RCL1: variants seen among roughly 807,000 people sequenced by gnomAD.
The protein encoded by RCL1 is RNA terminal phosphate cyclase like 1.
RCL1 carries 24 observed loss-of-function variants against 42.4 expected under a neutral mutation model. The ratio of observed to expected loss-of-function variants is 0.57; its 90% CI spans 0.41 to 0.80. The LOEUF is 0.80. Ranked by LOEUF, RCL1 falls within the 30% of genes least tolerant of loss-of-function variation. RCL1 has a pLI of 0.00. For synonymous variants in RCL1, 228 were observed against 177.3 expected (o/e 1.29, Z -2.27); for missense variants, 578 against 467.9 (o/e 1.24, Z -2.17).
intron 2 of RCL1, among the ~76,000 whole-genome samples, chr9:4,824,201 T>G (rs565449208): frequency 2.0e-4 from 31 of 152,220 alleles, no homozygotes; most frequent in Non-Finnish European, 4.3e-4. Context: ...AAATTTTGTT[T>G]GTTAAAATAA....
At position 4,793,044 on chromosome 9, in the gene RCL1, C is replaced by T; in HGVS notation, c.-48C>T. 1 of 1,574,238 alleles carries T rather than the reference C, an allele frequency of 6.4e-7. No individual in the cohort carries two copies. The highest frequency in any genetic ancestry group is 8.6e-7 in the Non-Finnish European group (1 of 1,158,834). On this transcript the variant is annotated 5_prime_UTR_variant, in exon 1 of 9. Coordinates refer to ENST00000381750, the MANE Select transcript of RCL1 (RefSeq NM_005772.5). ...CGGAGTCACGAGTCCCGCGTCTGTCCGAAGTCGCCGCTCTCGGGCTGCTCA... is the reference window on the plus strand; with the variant it reads ...CGGAGTCACGAGTCCCGCGTCTGTCTGAAGTCGCCGCTCTCGGGCTGCTCA...
At chr9:4,807,962 G>C (rs1051881921) in intron 1 of RCL1, among the ~76,000 whole-genome samples, 1 of 151,892 alleles carries the variant, frequency 6.6e-6, no homozygotes, top group African/African-American at 2.4e-5. Flanking sequence ...TTTTTTTAAT[G>C]GTCCAAGATA....
In RCL1 at chr9:4,816,855, C is replaced by T. The variant is rs544768463; in HGVS notation, c.137-6693C>T. Among the ~76,000 whole-genome samples the T allele has an allele frequency of 8.5e-5, 13 of 152,176 alleles. No individual in the cohort carries two copies. The South Asian group carries it at 1.7e-3, about 19-fold the overall frequency. Reference sequence around the variant, plus strand: ...TTTTTGAGATGGAGTCTCGCTCTGTCGTCCAGGCCGGAGTGCAGTGGCGCG... The same window carrying T: ...TTTTTGAGATGGAGTCTCGCTCTGTTGTCCAGGCCGGAGTGCAGTGGCGCG... On this transcript the variant is annotated intron_variant, in intron 1 of 8. Transcript: ENST00000381750.
intron 8 of RCL1, among the ~76,000 whole-genome samples, chr9:4,854,443 C>G (rs573697720): frequency 6.6e-6 from 1 of 152,330 alleles, no homozygotes; most frequent in Admixed American, 6.5e-5. Context: ...TGTCCTTACA[C>G]CTGAGATGTA....
rs869274587 is a variant in RCL1, at chr9:4,806,633, C to CACAT, written c.136+13407_136+13408insCATA. ...ACACACACACACACACACACACACA[C>CACAT]ATATACTTACATATATATTGCTGAA... On this transcript the variant is annotated intron_variant, in intron 1 of 8. Transcript: ENST00000381750. Among the ~76,000 whole-genome samples, 793 of 141,070 alleles carry CACAT rather than the reference C, an allele frequency of 5.6e-3. 14 individuals are homozygous for CACAT. Among genetic ancestry groups the CACAT allele is most frequent in the African/African-American group, 0.018 (709 of 39,112 alleles). The allele number at this position is 141,070 out of a possible 152,430, so 92.5% of individuals were successfully genotyped here.
chr9:4,801,583 A>G (rs995782305), intron 1 of RCL1, among the ~76,000 whole-genome samples: 2 of 152,154 alleles, frequency 1.3e-5, no homozygotes, highest in African/African-American at 4.8e-5. Flanking sequence ...TTATTATCTT[A>G]ATATGGTTTC....
At chr9:4,854,672 G>T (rs1234076997) in intron 8 of RCL1, among the ~76,000 whole-genome samples, 1 of 152,174 alleles carries the variant, frequency 6.6e-6, no homozygotes, top group Non-Finnish European at 1.5e-5. Flanking sequence ...GTCAAATCCT[G>T]GTCAGTTGGG....
intron 8 of RCL1, among the ~76,000 whole-genome samples, chr9:4,851,162 C>T (rs973721069): frequency 4.6e-5 from 7 of 152,114 alleles, no homozygotes; most frequent in Non-Finnish European, 1.0e-4. Context: ...CATCTTCTCA[C>T]CAAACATTAA....
chr9:4,798,615 G>A (rs1046696873), intron 1 of RCL1, among the ~76,000 whole-genome samples: 1 of 152,240 alleles, frequency 6.6e-6, no homozygotes, highest in Non-Finnish European at 1.5e-5. Flanking sequence ...ACATGTTTTG[G>A]TAAACCAGTG....
At chr9:4,820,591 C>G (rs1332741200) in intron 1 of RCL1, among the ~76,000 whole-genome samples, 1 of 151,938 alleles carries the variant, frequency 6.6e-6, no homozygotes, top group Admixed American at 6.6e-5. Context: ...TTCCTTTTTT[C>G]TTTTCTAATT....
chr9:4,853,522 C>T (rs936674929), intron 8 of RCL1, among the ~76,000 whole-genome samples: 1 of 152,080 alleles, frequency 6.6e-6, no homozygotes. Flanking sequence ...GGGGTTTCAT[C>T]GTGTTAGCCA....
intron 6 of RCL1, among the ~76,000 whole-genome samples, chr9:4,841,922 A>G (rs1159888157): frequency 1.3e-5 from 2 of 152,258 alleles, no homozygotes; most frequent in Admixed American, 6.5e-5. Flanking sequence ...TGTAATGAAG[A>G]TACCTGTTTT....
chr9:4,834,756 T>C (rs1177108032), intron 5 of RCL1, among the ~76,000 whole-genome samples: 1 of 152,154 alleles, frequency 6.6e-6, no homozygotes. Context: ...ATATCTACTA[T>C]TAAGTATTTA....
chr9:4,792,978 G>C lies in RCL1; in HGVS notation c.-114G>C. ...GGACGCGTCTGGGCTGCTGGAGGCA[G>C]CCCGAGCCGCCGCCGTCGGTGTCGC... On this transcript the variant is annotated 5_prime_UTR_variant, in exon 1 of 9. Coordinates refer to ENST00000381750, the MANE Select transcript of RCL1 (RefSeq NM_005772.5). 1 of 1,267,924 alleles carries C rather than the reference G, an allele frequency of 7.9e-7. No homozygotes were observed. The highest frequency in any genetic ancestry group is 2.5e-5 in the Admixed American group (1 of 40,166). 78.5% of individuals were successfully genotyped at this position (1,267,924 alleles called of 1,614,324 possible).
intron 7 of RCL1, among the ~76,000 whole-genome samples, chr9:4,847,401 T>C (rs1563855412): frequency 2.0e-5 from 3 of 152,230 alleles, no homozygotes; most frequent in Non-Finnish European, 1.5e-5. Context: ...TTGAAGGTGC[T>C]ATTTATCAAG....
At chr9:4,832,052 A>G (rs945718961) in intron 3 of RCL1, among the ~76,000 whole-genome samples, 3 of 152,020 alleles carry the variant, frequency 2.0e-5, no homozygotes, top group African/African-American at 7.3e-5. Context: ...TAATGGAGTA[A>G]TTTTCTTTCC....
At chr9:4,809,881 ATCTTGGCTCACTGCAACTTC>A (rs1178528496) in intron 1 of RCL1, among the ~76,000 whole-genome samples, 1 of 151,996 alleles carries the variant, frequency 6.6e-6, no homozygotes, top group Non-Finnish European at 1.5e-5. Context: ...CAGTGGCGTG[ATCTTGGCTCACTGCAACTTC>A]CACCTCCTGG....
intron 1 of RCL1, among the ~76,000 whole-genome samples, chr9:4,798,349 A>G (rs1307830244): frequency 2.0e-5 from 3 of 152,214 alleles, no homozygotes; most frequent in East Asian, 1.9e-4. Flanking sequence ...GAAATAATGG[A>G]CTTGAACAAG....
At position 4,798,974 on chromosome 9, in the gene RCL1, CCTTTT is replaced by C. The variant is rs369715664; in HGVS notation, c.136+5764_136+5768del. Among the ~76,000 whole-genome samples, 640 of 150,264 alleles carry C rather than the reference CCTTTT, an allele frequency of 4.3e-3. 2 individuals are homozygous for C. Among genetic ancestry groups the C allele is most frequent in the African/African-American group, 0.015 (592 of 40,554 alleles). Reference sequence around the variant, plus strand: ...TGGAAGCTGTTGTATAAATGCCTTGCCTTTTCTTTTCTTTTCTTTTCCTCTCTCCC... The same window carrying C: ...TGGAAGCTGTTGTATAAATGCCTTGCCTTTTCTTTTCTTTTCCTCTCTCCC... On this transcript the variant is annotated intron_variant, in intron 1 of 8. Coordinates refer to ENST00000381750, the MANE Select transcript of RCL1 (RefSeq NM_005772.5).
Sources: gnomAD v4.1 joint callset for allele counts (sites outside exome capture counted in the v4.1 genomes callset) on GRCh38, gnomAD v4.1.1 for gene constraint, MANE v1.5 for transcripts, NCBI Gene and HGNC (gene_info 2026-07-23, HGNC 2026-07-21) for gene names.